SHANK2: variants seen among roughly 807,000 people sequenced by gnomAD.
The protein encoded by SHANK2 is SH3 and multiple ankyrin repeat domains protein 2.
In SHANK2, 43 loss-of-function variants were observed where a neutral mutation model predicts 133.7. The ratio of observed to expected loss-of-function variants is 0.32; its 90% CI spans 0.25 to 0.41. The LOEUF is 0.41. Ranked by LOEUF, SHANK2 falls within the 10% of genes least tolerant of loss-of-function variation. The pLI, the probability that SHANK2 is intolerant of heterozygous loss-of-function variation, is 1.00. For missense variants in SHANK2, 1,994 were observed against 2,235.8 expected (o/e 0.89, Z 2.18); for synonymous variants, 1,017 against 952.8 (o/e 1.07, Z -1.24).
intron 17 of SHANK2, among the ~76,000 whole-genome samples, chr11:70,551,819 C>T (rs555555454): frequency 2.4e-4 from 37 of 152,322 alleles, no homozygotes; most frequent in East Asian, 3.9e-4. Flanking sequence ...GTGAAACTCC[C>T]GCAGGCCTGG....
chr11:70,661,545 AC>A lies in SHANK2; in HGVS notation c.1936+50del, dbSNP rs782342735. 5.6e-5 allele frequency: 57 copies of A among 1,012,820 alleles called. 1 individual carries two copies. In the African/African-American group the frequency reaches 8.7e-4, roughly 15 times the overall value. The allele number at this position is 1,012,820 out of a possible 1,614,324, so 62.7% of individuals were successfully genotyped here. ...CACACACACACACACACACACACAC[AC>A]ACACACACAAACATGGGAACATATT... On this transcript the variant is annotated intron_variant, in intron 16 of 25. Coordinates refer to ENST00000601538, the MANE Select transcript of SHANK2 (RefSeq NM_012309.5).
intron 10 of SHANK2, among the ~76,000 whole-genome samples, chr11:70,898,140 A>AT (rs1223772231): frequency 2.5e-4 from 37 of 147,054 alleles, no homozygotes; most frequent in African/African-American, 3.0e-4. Context: ...TTAAAAAAAA[A>AT]TTTTTTTTTT....
intron 15 of SHANK2, among the ~76,000 whole-genome samples, chr11:70,664,955 G>A (rs184795283): frequency 7.9e-5 from 12 of 152,222 alleles, no homozygotes; most frequent in East Asian, 1.9e-4. Flanking sequence ...CCGTGGAGTC[G>A]TGCATCCATG....
chr11:70,776,394 G>C (rs1266518089), intron 14 of SHANK2, among the ~76,000 whole-genome samples: 2 of 152,154 alleles, frequency 1.3e-5, no homozygotes, highest in African/African-American at 2.4e-5. Context: ...CAGTGCATCT[G>C]GGTTGGCTGA....
intron 2 of SHANK2, among the ~76,000 whole-genome samples, chr11:71,168,157 C>A (rs1347714362): frequency 1.0e-5 from 1 of 98,800 alleles, no homozygotes; most frequent in Non-Finnish European, 2.1e-5. Context: ...ACGGGGTGGC[C>A]GGGCAGAGAC....
chr11:71,167,320 G>A (rs1374140064), intron 2 of SHANK2, among the ~76,000 whole-genome samples: 1 of 152,094 alleles, frequency 6.6e-6, no homozygotes, highest in Non-Finnish European at 1.5e-5. Flanking sequence ...CCCAGACGGG[G>A]TGGTGGCCGG....
At chr11:70,841,310 G>A (rs1199084311) in intron 11 of SHANK2, among the ~76,000 whole-genome samples, 2 of 152,220 alleles carry the variant, frequency 1.3e-5, no homozygotes, top group African/African-American at 4.8e-5. Context: ...AAGGTGGGCA[G>A]TGGCAGCAGG....
chr11:70,491,407 G>A (rs2058885100), intron 22 of SHANK2, among the ~76,000 whole-genome samples: 1 of 152,232 alleles, frequency 6.6e-6, no homozygotes, highest in Non-Finnish European at 1.5e-5. Context: ...TGGGAGGCAA[G>A]GACCGGCAGG....
intron 21 of SHANK2, among the ~76,000 whole-genome samples, chr11:70,499,295 C>T (rs1373327728): frequency 1.3e-5 from 2 of 152,232 alleles, no homozygotes; most frequent in East Asian, 3.8e-4. Context: ...CACACCCTTG[C>T]CCCCTGTTAT....
intron 25 of SHANK2, among the ~76,000 whole-genome samples, chr11:70,481,705 C>T (rs552734525): frequency 3.9e-5 from 6 of 152,380 alleles, no homozygotes; most frequent in African/African-American, 7.2e-5. Flanking sequence ...CATCCAATTT[C>T]GTGCCTCATT....
At chr11:71,202,450 G>T (rs1474380377) in intron 2 of SHANK2, among the ~76,000 whole-genome samples, 1 of 152,206 alleles carries the variant, frequency 6.6e-6, no homozygotes, top group Non-Finnish European at 1.5e-5. Context: ...AGGTCAGAGA[G>T]GTGAGGGTAC....
chr11:71,186,740 C>T (rs1953679986), intron 2 of SHANK2, among the ~76,000 whole-genome samples: 1 of 152,222 alleles, frequency 6.6e-6, no homozygotes, highest in Admixed American at 6.5e-5. Context: ...GTTAGTGGCA[C>T]ATTATTTCTG....
rs527571467 is a variant in SHANK2 at position 70,882,479 on chromosome 11, A to G, written c.1174+14022T>C. Among the ~76,000 whole-genome samples, 3 of 152,286 alleles carry G rather than the reference A, an allele frequency of 2.0e-5. No individual in the cohort carries two copies. The East Asian group carries it at 5.8e-4, about 29-fold the overall frequency. On this transcript the variant is annotated intron_variant, in intron 11 of 25. Coordinates refer to ENST00000601538, the MANE Select transcript of SHANK2 (RefSeq NM_012309.5). The surrounding 1 kb of genome is among the most constrained non-coding windows in gnomAD (Gnocchi z 4.2). The stretch of plus-strand genomic sequence containing the variant: ...GCCCAGTGAAAAAGATCATGACAGA[A>G]GCTGCCAAGGATTCCTTACCTTGGC...
chr11:70,829,959 C>T (rs926397184), intron 11 of SHANK2, among the ~76,000 whole-genome samples: 1 of 152,146 alleles, frequency 6.6e-6, no homozygotes, highest in African/African-American at 2.4e-5. Flanking sequence ...ATTCCAGCGA[C>T]GGGGGACTCA....
At position 70,739,094 on chromosome 11, in the gene SHANK2, C is replaced by G. The variant is rs571013801; in HGVS notation, c.1778-40331G>C. On this transcript the variant is annotated intron_variant, in intron 14 of 25. Coordinates refer to ENST00000601538, the MANE Select transcript of SHANK2 (RefSeq NM_012309.5). The surrounding 1 kb of genome is among the most constrained non-coding windows in gnomAD (Gnocchi z 4.3). Reference sequence around the variant, plus strand: ...ACCATCTGGCCCCATTGTCTGGGGACAGGACACACTCCACTTTATCTCCTG... The same window carrying G: ...ACCATCTGGCCCCATTGTCTGGGGAGAGGACACACTCCACTTTATCTCCTG... 1.2e-4 allele frequency among the ~76,000 whole-genome samples: 18 copies of G among 152,244 alleles called. No homozygotes were observed. The East Asian group carries it at 2.7e-3, about 23-fold the overall frequency.
intron 3 of SHANK2, among the ~76,000 whole-genome samples, chr11:71,126,107 A>T (rs1459165453): frequency 6.7e-6 from 1 of 148,398 alleles, no homozygotes; most frequent in Non-Finnish European, 1.5e-5. Context: ...AGTCCCAGCT[A>T]CTTGGGAGGC....
At chr11:71,114,652 G>A (rs868952718) in intron 4 of SHANK2, among the ~76,000 whole-genome samples, 78 of 152,262 alleles carry the variant, frequency 5.1e-4, no homozygotes, top group Middle Eastern at 3.4e-3. Context: ...TCCCAGAACA[G>A]AGCAGGCAGG....
Position 70,485,174 on chromosome 11 carries a change from C to T in SHANK2, c.4979+140G>A. On this transcript the variant is annotated intron_variant, in intron 25 of 25. Transcript: ENST00000601538. This position sits in a 1 kb window ranked among gnomAD's most constrained non-coding sequence, Gnocchi z 5.8. ...AGGAGCATGAGAAAAAGAAGTGTTA[C>T]TGCATTAACAGACGTGGCCCACACA... is the stretch of plus-strand genomic sequence containing the variant. The T allele has an allele frequency of 2.9e-6, 2 of 698,644 alleles. No individual in the cohort carries two copies. The highest frequency in any genetic ancestry group is 1.8e-5 in the African/African-American group (1 of 57,080). The allele number at this position is 698,644 out of a possible 1,614,324, so 43.3% of individuals were successfully genotyped here. A position where few individuals can be genotyped will look rare whatever the true frequency, so the allele number is the denominator to read the frequency against.
intron 2 of SHANK2, among the ~76,000 whole-genome samples, chr11:71,211,141 G>A (rs1198079856): frequency 6.7e-6 from 1 of 149,524 alleles, no homozygotes; most frequent in Non-Finnish European, 1.5e-5. Context: ...ATATTCCCTG[G>A]CACCCAACCC....
Sources: gnomAD v4.1 joint callset for allele counts (sites outside exome capture counted in the v4.1 genomes callset) on GRCh38, gnomAD v4.1.1 for gene constraint, Gnocchi (gnomAD v3.1) non-coding constraint, MANE v1.5 for transcripts, NCBI Gene and HGNC (gene_info 2026-07-23, HGNC 2026-07-21) for gene names.